Variants in BORCS8 observed in about 807,000 individuals in gnomAD.
BORCS8 encodes the protein BLOC-1 related complex subunit 8.
In BORCS8, 13 loss-of-function variants were observed where a neutral mutation model predicts 18.7. The ratio of observed to expected loss-of-function variants is 0.70; its 90% confidence interval spans 0.45 to 1.11. The LOEUF (loss-of-function observed/expected upper bound fraction) is 1.11. BORCS8 is among the 50% of genes least tolerant of loss of function. The pLI is 0.00. For synonymous variants in BORCS8, 68 were observed against 64.8 expected, an observed-to-expected ratio of 1.05 and a Z score of -0.24; for missense variants, 165 against 165.7, an observed-to-expected ratio of 1.00 and a Z score of 0.02.
At chr19:19,191,295 C>T (rs1390013148) in intron 1 of BORCS8, among the ~76,000 whole-genome samples, 2 of 151,766 alleles carry the variant, frequency 1.3e-5, no homozygotes, top group Admixed American at 1.3e-4. Context: ...GGCACTCCAG[C>T]CTGGGTGACA....
intron 1 of BORCS8, 26 bp from the exon 2 acceptor site, chr19:19,187,031 C>T (rs1347493875): frequency 4.6e-6 from 7 of 1,521,298 alleles, no homozygotes; most frequent in East Asian, 2.5e-5. Context: ...AGGGATGGGG[C>T]GGGTGTGGGG....
intron 1 of BORCS8, among the ~76,000 whole-genome samples, chr19:19,190,328 T>C (rs1234507527): frequency 1.3e-5 from 2 of 152,206 alleles, no homozygotes; most frequent in Non-Finnish European, 2.9e-5. Context: ...ATGAATCCAA[T>C]GCCATCACCA....
At chr19:19,192,051 C>T (rs1453450006) in intron 1 of BORCS8, 30 bp downstream of exon 1, 1 of 1,550,688 alleles carries the variant, frequency 6.4e-7, no homozygotes, top group East Asian at 2.4e-5. Context: ...GTTACCGGCC[C>T]CCTCTGTCCC....
intron 3 of BORCS8, among the ~76,000 whole-genome samples, chr19:19,183,140 G>A (rs1020477582): frequency 6.6e-6 from 1 of 152,256 alleles, no homozygotes; most frequent in East Asian, 1.9e-4. Context: ...TGGGCGCAGT[G>A]GATCATGCCT....
intron 4 of BORCS8, among the ~76,000 whole-genome samples, chr19:19,181,259 G>C (rs1215013805): frequency 6.6e-6 from 1 of 151,928 alleles, no homozygotes; most frequent in East Asian, 1.9e-4. Flanking sequence ...CAGCACTTTG[G>C]GAGGCTGAGG....
intron 3 of BORCS8, among the ~76,000 whole-genome samples, chr19:19,185,555 G>A (rs2060398543): frequency 6.6e-6 from 1 of 152,136 alleles, no homozygotes; most frequent in Admixed American, 6.5e-5. Context: ...GCAAGGTGGC[G>A]GGCGCCTGTA....
At chr19:19,179,262 C>G (rs1266885055) in intron 5 of BORCS8, 1 of 152,548 alleles carries the variant, frequency 6.6e-6, no homozygotes, top group African/African-American at 2.4e-5. Context: ...CCCACTCAGG[C>G]AGCCCCTCCT....
intron 1 of BORCS8, among the ~76,000 whole-genome samples, chr19:19,190,765 G>C (rs2060461266): frequency 6.6e-6 from 1 of 151,998 alleles, no homozygotes; most frequent in Non-Finnish European, 1.5e-5. Flanking sequence ...TCCAGCCTTG[G>C]CAACAAGAGC....
chr19:19,187,144 C>G, intron 1 of BORCS8, 139 bp from the exon 2 acceptor site: 1 of 625,118 alleles, frequency 1.6e-6, no homozygotes, highest in Non-Finnish European at 2.8e-6. Flanking sequence ...TGGCCCATGA[C>G]AGGCTGGAGG....
At position 19,186,082 on chromosome 19, in the gene BORCS8, C is replaced by A; in HGVS notation, c.167G>T (p.Trp56Leu). 1.3e-6 allele frequency: 2 copies of A among 1,550,776 alleles called. No individual in the cohort carries two copies. Among genetic ancestry groups the A allele is most frequent in the Admixed American group, 2.0e-5 (1 of 50,904 alleles). ...LAQHKADMQRWEEQSQGAIYT... is the reference protein window; with the variant it reads ...LAQHKADMQRLEEQSQGAIYT... ...GATGGCTCCCTGGCTCTGCTCCTCC[C>A]AACGCTGCATGTCTGCCTGTAGGGG... is the stretch of plus-strand genomic sequence containing the variant. The change falls in exon 3 of 6, where the codon TGG becomes TTG. Residue 56 changes from tryptophan (W) to leucine (L), a missense_variant. By Grantham distance (61) the Trp-to-Leu change is moderately conservative (BLOSUM62 -2). Transcript: ENST00000462790.
chr19:19,182,580 C>T lies in BORCS8; in HGVS notation c.319G>A (p.Gly107Ser). ...GGCGGTCCCAGGAGCTACCTGTGGC[C>T]CTGGGCACTGGCATTCATATGGTCC... The part of the protein sequence containing the change: ...IRDHMNASAQ[G>S]HSPEEPPPPS... Residue 107 changes from glycine (G) to serine (S), a missense_variant, in exon 4 of 6, where the codon GGC becomes AGC. By Grantham distance (56) the Gly-to-Ser change is moderately conservative. Coordinates refer to ENST00000462790, the MANE Select transcript of BORCS8 (RefSeq NM_001145784.2). This position sits in a 1 kb window ranked among gnomAD's most constrained non-coding sequence, Gnocchi z 4.1. The T allele has an allele frequency of 1.3e-6, 2 of 1,550,828 alleles. No homozygotes were observed. Among genetic ancestry groups the T allele is most frequent in the Admixed American group, 2.0e-5 (1 of 50,986 alleles).
Position 19,182,435 on chromosome 19 carries a change from A to G in BORCS8, c.326+138T>C. 6.9e-7 allele frequency: 1 copy of G among 1,441,020 alleles called. No individual in the cohort carries two copies. Among genetic ancestry groups the G allele is most frequent in the South Asian group, 1.4e-5 (1 of 71,104 alleles). 89.3% of individuals were successfully genotyped at this position (1,441,020 alleles called of 1,614,324 possible). ...ACTCAGGTTATAGATGCCACAGGAC[A>G]AGAGGAGGTCACCAGACACCAGGAC... On this transcript the variant is annotated intron_variant, in intron 4 of 5. Coordinates refer to ENST00000462790, the MANE Select transcript of BORCS8 (RefSeq NM_001145784.2). The surrounding 1 kb of genome is among the most constrained non-coding windows in gnomAD (Gnocchi z 4.1).
At chr19:19,180,503 A>C (rs1198218107) in intron 5 of BORCS8, 183 bp downstream of exon 5, 2 of 615,756 alleles carry the variant, frequency 3.2e-6, no homozygotes, top group Non-Finnish European at 5.8e-6. Context: ...ATGGTCCCTG[A>C]GCAGCAGGGT....
At chr19:19,187,658 C>T (rs2060423668) in intron 1 of BORCS8, among the ~76,000 whole-genome samples, 1 of 150,964 alleles carries the variant, frequency 6.6e-6, no homozygotes, top group South Asian at 2.1e-4. Context: ...CCTGCCTCAG[C>T]CTCCTGAGTA....
In BORCS8 at chr19:19,177,693, G is replaced by GAA. The variant is rs1203355594; in HGVS notation, c.*43-235_*43-234dup. 86 of 37,094 alleles carry GAA rather than the reference G, an allele frequency of 2.3e-3. 6 individuals are homozygous for GAA. The East Asian group carries it at 0.067, about 29-fold the overall frequency. The allele number at this position is 37,094 out of a possible 1,614,324, so 2.3% of individuals were successfully genotyped here. On this transcript the variant is annotated intron_variant, in intron 5 of 5. Coordinates refer to ENST00000462790, the MANE Select transcript of BORCS8 (RefSeq NM_001145784.2). ...GGAAGGAAGGAAGGAAGGAAGGAAG[G>GAA]AAGAGAAAAGAAAAGAAAAGAAAAG...
intron 3 of BORCS8, among the ~76,000 whole-genome samples, chr19:19,185,462 G>C (rs1256655228): frequency 1.3e-5 from 2 of 152,210 alleles, no homozygotes; most frequent in Non-Finnish European, 2.9e-5. Flanking sequence ...GAGGTGGGTA[G>C]ATCACCTGAG....
At chr19:19,181,864 C>T (rs547988120) in intron 4 of BORCS8, 2 of 985,430 alleles carry the variant, frequency 2.0e-6, no homozygotes, top group East Asian at 2.3e-4. Flanking sequence ...ATTCCTGCTC[C>T]TGGCACATGA....
At chr19:19,190,487 G>A (rs78454476) in intron 1 of BORCS8, among the ~76,000 whole-genome samples, 6,914 of 152,260 alleles carry the variant, frequency 0.045, 227 homozygotes, top group Admixed American at 0.091. Flanking sequence ...AGGCCTCCTC[G>A]CTTTGAATGT....
At chr19:19,185,270 T>G (rs1427404639) in intron 3 of BORCS8, among the ~76,000 whole-genome samples, 2 of 152,184 alleles carry the variant, frequency 1.3e-5, no homozygotes, top group African/African-American at 4.8e-5. Context: ...GCAAACAGCA[T>G]GTCTGTGCAA....
Sources: gnomAD v4.1 joint callset for allele counts (sites outside exome capture counted in the v4.1 genomes callset) on GRCh38, gnomAD v4.1.1 for gene constraint, Gnocchi (gnomAD v3.1) non-coding constraint, MANE v1.5 for transcripts, NCBI Gene and HGNC (gene_info 2026-07-23, HGNC 2026-07-21) for gene names.